Variants in LRP1B observed in about 807,000 individuals in gnomAD.
LRP1B encodes LDL receptor related protein 1B.
In LRP1B, 217 loss-of-function variants were observed where a neutral mutation model predicts 556.6. The ratio of observed to expected loss-of-function variants is 0.39; its 90% CI spans 0.35 to 0.44. The LOEUF is 0.44. Among genes scored for constraint, LRP1B ranks in the 20% least tolerant of loss-of-function variants. The probability of loss-of-function intolerance (pLI) is 1.00; values close to 1 mark genes in which losing one functional copy is unlikely to be tolerated. For missense variants in LRP1B, 5,053 were observed against 5,620.8 expected (o/e 0.90, Z 3.23); for synonymous variants, 2,047 against 1,865.8 (o/e 1.10, Z -2.50).
chr2:141,931,455 G>A lies in LRP1B; in HGVS notation c.83-121054C>T, dbSNP rs563636374. On this transcript the variant is annotated intron_variant, in intron 1 of 90. Transcript: ENST00000389484. ...GGTTTGAGATTAATCTCAAAGAGGA[G>A]GTAGAATTGTACTCAGAAAATAGAG... Among the ~76,000 whole-genome samples, 71 of 151,946 alleles carry A rather than the reference G, an allele frequency of 4.7e-4. No homozygotes were observed. In the South Asian group the frequency reaches 0.012, roughly 26 times the overall value.
chr2:141,992,510 C>T (rs1028370584), intron 1 of LRP1B, among the ~76,000 whole-genome samples: 7 of 152,232 alleles, frequency 4.6e-5, no homozygotes, highest in African/African-American at 1.7e-4. Flanking sequence ...AAATTTTACT[C>T]CGCATTTCTG....
rs180715582 is a variant in LRP1B at position 140,889,687 on chromosome 2, A to T, written c.3767-3352T>A. ...TGTTACCCCCATTTTACACAGGAAGAAACAGAGGTACAGAGAAATTATATA... is the reference window on the plus strand; with the variant it reads ...TGTTACCCCCATTTTACACAGGAAGTAACAGAGGTACAGAGAAATTATATA... On this transcript the variant is annotated intron_variant, in intron 23 of 90. Coordinates refer to ENST00000389484, the MANE Select transcript of LRP1B (RefSeq NM_018557.3). Among the ~76,000 whole-genome samples the T allele has an allele frequency of 1.0e-3, 158 of 152,278 alleles. 1 individual carries two copies. Among genetic ancestry groups the T allele is most frequent in the African/African-American group, 3.6e-3 (149 of 41,554 alleles).
chr2:140,640,137 G>A (rs1423160284), intron 41 of LRP1B, among the ~76,000 whole-genome samples: 1 of 151,500 alleles, frequency 6.6e-6, no homozygotes, highest in African/African-American at 2.4e-5. Flanking sequence ...CGAGTAGCTG[G>A]GACTACGGGC....
chr2:140,875,624 A>G (rs1253823922), intron 25 of LRP1B, among the ~76,000 whole-genome samples: 1 of 152,194 alleles, frequency 6.6e-6, no homozygotes, highest in Non-Finnish European at 1.5e-5. Context: ...GGTATTTGAC[A>G]CTTTTAAAAA....
chr2:140,642,483 C>CTGAAT (rs1684331822), intron 41 of LRP1B, among the ~76,000 whole-genome samples: 1 of 152,022 alleles, frequency 6.6e-6, no homozygotes. Context: ...GGAGAGAAAC[C>CTGAAT]TGAATTATCA....
chr2:140,376,531 T>G (rs1220707844), intron 68 of LRP1B, among the ~76,000 whole-genome samples: 1 of 152,130 alleles, frequency 6.6e-6, no homozygotes, highest in African/African-American at 2.4e-5. Flanking sequence ...GGTAAATATG[T>G]GGCTGGTAAA....
At chr2:140,867,539 A>G (rs1375337446) in intron 27 of LRP1B, 51 bp downstream of exon 27, 1 of 1,523,442 alleles carries the variant, frequency 6.6e-7, no homozygotes, top group Non-Finnish European at 8.8e-7. Context: ...TTATATGATT[A>G]AGATGATAAT....
At chr2:141,284,926 C>T (rs961822336) in intron 3 of LRP1B, among the ~76,000 whole-genome samples, 1 of 152,172 alleles carries the variant, frequency 6.6e-6, no homozygotes, top group Middle Eastern at 3.4e-3. Flanking sequence ...AAGATTGCTT[C>T]GATGAGTCTA....
intron 2 of LRP1B, among the ~76,000 whole-genome samples, chr2:141,595,106 A>G (rs1687471756): frequency 6.6e-6 from 1 of 152,142 alleles, no homozygotes; most frequent in African/African-American, 2.4e-5. Context: ...AAAGGAACAT[A>G]TATTTACCTA....
intron 11 of LRP1B, among the ~76,000 whole-genome samples, chr2:141,026,945 T>G (rs1330216373): frequency 6.6e-6 from 1 of 152,148 alleles, no homozygotes. Context: ...CTATGATTAG[T>G]TAGTAGTCAC....
At chr2:140,718,885 T>C (rs1166303798) in intron 35 of LRP1B, among the ~76,000 whole-genome samples, 4 of 152,054 alleles carry the variant, frequency 2.6e-5, no homozygotes, top group Non-Finnish European at 5.9e-5. Context: ...TGAACGTTTT[T>C]CCCCAAGATA....
At chr2:142,038,255 T>G (rs1260451366) in intron 1 of LRP1B, among the ~76,000 whole-genome samples, 1 of 151,592 alleles carries the variant, frequency 6.6e-6, no homozygotes, top group Non-Finnish European at 1.5e-5. Flanking sequence ...TAAATGGTGA[T>G]GCCTTGAATG....
chr2:141,004,602 C>T (rs1697515663), intron 15 of LRP1B, among the ~76,000 whole-genome samples: 1 of 151,978 alleles, frequency 6.6e-6, no homozygotes, highest in African/African-American at 2.4e-5. Context: ...AAGGCAATTC[C>T]TTATAATAAA....
chr2:141,804,469 T>C (rs1460575289), intron 2 of LRP1B, among the ~76,000 whole-genome samples: 1 of 152,084 alleles, frequency 6.6e-6, no homozygotes, highest in African/African-American at 2.4e-5. Flanking sequence ...ATAATTTCTA[T>C]ACCAAATGTA....
chr2:140,877,710 C>T (rs1693352844), intron 25 of LRP1B, among the ~76,000 whole-genome samples: 1 of 152,162 alleles, frequency 6.6e-6, no homozygotes, highest in Admixed American at 6.5e-5. Context: ...TGGAGGCCCC[C>T]TCACTCCATT....
At chr2:140,859,629 C>T (rs1482659057) in intron 27 of LRP1B, among the ~76,000 whole-genome samples, 4 of 151,958 alleles carry the variant, frequency 2.6e-5, no homozygotes, top group African/African-American at 7.2e-5. Flanking sequence ...TTATATTATG[C>T]TAGAAAATGT....
intron 3 of LRP1B, among the ~76,000 whole-genome samples, chr2:141,334,253 G>A (rs1386809847): frequency 6.6e-6 from 1 of 152,122 alleles, no homozygotes; most frequent in African/African-American, 2.4e-5. Context: ...GATCATGTGG[G>A]CAGTTTCTAA....
chr2:142,086,334 T>TA (rs1422123788), intron 1 of LRP1B, among the ~76,000 whole-genome samples: 1 of 151,990 alleles, frequency 6.6e-6, no homozygotes, highest in Non-Finnish European at 1.5e-5. Context: ...GTTAGTCTCT[T>TA]AAAAAACGGC....
At chr2:141,794,161 G>A (rs1323110706) in intron 2 of LRP1B, among the ~76,000 whole-genome samples, 1 of 151,858 alleles carries the variant, frequency 6.6e-6, no homozygotes, top group East Asian at 1.9e-4. Flanking sequence ...TTGAATGTGG[G>A]CATGACACTC....
Sources: allele counts gnomAD v4.1 joint callset (sites outside exome capture counted in the v4.1 genomes callset), GRCh38; gene constraint gnomAD v4.1.1; transcripts MANE v1.5; gene names NCBI Gene and HGNC (gene_info 2026-07-23, HGNC 2026-07-21).